Variants in PDXDC1 observed in about 807,000 individuals in gnomAD.
PDXDC1 encodes the protein pyridoxal-dependent decarboxylase domain-containing protein 1.
A neutral mutation model predicts 100.1 loss-of-function variants in PDXDC1; 42 were observed. The ratio of observed to expected loss-of-function variants is 0.42; its 90% CI spans 0.33 to 0.54. The LOEUF (loss-of-function observed/expected upper bound fraction) is 0.54. PDXDC1 is among the 20% of genes least tolerant of loss of function. The pLI, the probability that PDXDC1 is intolerant of heterozygous loss-of-function variation, is 0.10. For synonymous variants in PDXDC1, 260 were observed against 371.7 expected (o/e 0.70, Z 3.46); for missense variants, 636 against 979.2 (o/e 0.65, Z 4.68).
At chr16:15,094,452 A>C in intron 16 of PDXDC1, 1 of 587,282 alleles carries the variant, frequency 1.7e-6, no homozygotes, top group Non-Finnish European at 3.0e-6. Flanking sequence ...GCGTGAGTAT[A>C]AGGAGAGACG....
intron 16 of PDXDC1, chr16:15,125,158 A>G (rs1240598984): frequency 1.9e-6 from 1 of 536,782 alleles, no homozygotes; most frequent in African/African-American, 2.0e-5. Context: ...TCTCAAAAAA[A>G]AAAAAAAAAA....
At chr16:15,052,488 A>T (rs1240447148) in intron 16 of PDXDC1, among the ~76,000 whole-genome samples, 1 of 152,120 alleles carries the variant, frequency 6.6e-6, no homozygotes, top group Non-Finnish European at 1.5e-5. Context: ...TTCCTTTATA[A>T]ACAGGAGAGG....
intron 16 of PDXDC1, among the ~76,000 whole-genome samples, chr16:15,120,956 C>G (rs1248692055): frequency 1.0e-4 from 4 of 38,408 alleles, no homozygotes; most frequent in African/African-American, 1.7e-4. Context: ...GAGCGAGACT[C>G]TGTCTCAAAA....
chr16:14,986,098 CAAAA>C lies in PDXDC1; in HGVS notation c.21+10888_21+10891del, dbSNP rs1162285045. On this transcript the variant is annotated intron_variant, in intron 1 of 22. Transcript: ENST00000396410. ...TGGACAATAGAGCGAGGTCATGTCTCAAAAAAAAAAAAAGTTTGTAAAAAATGCT... is the reference window on the plus strand; with the variant it reads ...TGGACAATAGAGCGAGGTCATGTCTCAAAAAAAAAGTTTGTAAAAAATGCT... Among the ~76,000 whole-genome samples the C allele has an allele frequency of 2.2e-4, 32 of 145,102 alleles. No individual in the cohort carries two copies. The Middle Eastern group carries it at 0.011, about 48-fold the overall frequency.
chr16:15,071,028 CA>C (rs890065328), intron 16 of PDXDC1: 288 of 1,128,990 alleles, frequency 2.6e-4, no homozygotes, highest in Non-Finnish European at 2.8e-4. Flanking sequence ...AAAAACATGC[CA>C]AAAAAAATGG....
chr16:15,058,958 C>T (rs1042166992), intron 16 of PDXDC1, among the ~76,000 whole-genome samples: 7 of 152,144 alleles, frequency 4.6e-5, no homozygotes, highest in Non-Finnish European at 8.8e-5. Flanking sequence ...CATTATAAAT[C>T]CTACTCAACC....
intron 1 of PDXDC1, among the ~76,000 whole-genome samples, chr16:14,977,510 C>T (rs148894033): frequency 2.3e-3 from 357 of 152,264 alleles, no homozygotes; most frequent in African/African-American, 8.4e-3. Flanking sequence ...AAACGCCTGA[C>T]CTTGTGATCC....
chr16:15,135,235 G>C (rs1405669139), intron 16 of PDXDC1: 1 of 793,396 alleles, frequency 1.3e-6, no homozygotes, highest in African/African-American at 1.6e-5. Context: ...GAGCAGGGAG[G>C]TTGGGCTGTC....
At chr16:15,047,383 G>A (rs1309133245) in intron 16 of PDXDC1, 24 of 1,109,262 alleles carry the variant, frequency 2.2e-5, no homozygotes, top group Admixed American at 6.8e-5. Flanking sequence ...CCACAGCCAC[G>A]TCCTGTATGC....
chr16:15,038,545 T>G (rs1199454455), downstream of PDXDC1: 1 of 1,251,634 alleles, frequency 8.0e-7, no homozygotes, highest in African/African-American at 1.5e-5. Context: ...TGCAGAGATT[T>G]AAGACTTACC....
At chr16:15,074,031 G>A (rs1249018877) in intron 16 of PDXDC1, among the ~76,000 whole-genome samples, 6 of 152,168 alleles carry the variant, frequency 3.9e-5, no homozygotes, top group African/African-American at 9.7e-5. Context: ...ATATACAGAC[G>A]CTAACAGAAA....
chr16:15,033,330 C>T lies in PDXDC1; in HGVS notation c.1743C>T (p.Asp581=). The change falls in exon 19 of 23, where the codon GAC becomes GAT. Residue 581 remains aspartate, a synonymous_variant. Transcript: ENST00000396410. ...GCCTTTATGTCGGCATGGCGAGCGACAACGTCGATGCTGCTGAGCTCGTGG... is the reference window on the plus strand; with the variant it reads ...GCCTTTATGTCGGCATGGCGAGCGATAACGTCGATGCTGCTGAGCTCGTGG... ...KSCLYVGMAS[D]NVDAAELVET... 1 of 1,614,184 alleles carries T rather than the reference C, an allele frequency of 6.2e-7. No individual in the cohort carries two copies. The highest frequency in any genetic ancestry group is 8.5e-7 in the Non-Finnish European group (1 of 1,180,016).
intron 16 of PDXDC1, among the ~76,000 whole-genome samples, chr16:15,081,858 C>A (rs2045718277): frequency 6.6e-6 from 1 of 152,182 alleles, no homozygotes; most frequent in Non-Finnish European, 1.5e-5. Context: ...CCATATGCTT[C>A]ATTCTTTTGC....
At chr16:15,030,312 A>C (rs2042961715) in intron 16 of PDXDC1, among the ~76,000 whole-genome samples, 1 of 152,228 alleles carries the variant, frequency 6.6e-6, no homozygotes, top group South Asian at 2.1e-4. Context: ...TGGGAGGCCA[A>C]GGCAGGCAGA....
chr16:15,086,400 T>A, intron 16 of PDXDC1: 7 of 1,613,808 alleles, frequency 4.3e-6, no homozygotes, highest in Non-Finnish European at 5.1e-6. Flanking sequence ...AAGTCTTTTG[T>A]CAAGTACATG....
intron 16 of PDXDC1, chr16:15,125,594 C>T (rs913153253): frequency 1.5e-4 from 213 of 1,397,932 alleles, no homozygotes; most frequent in Non-Finnish European, 5.1e-5. Flanking sequence ...ACCTGTCCAG[C>T]AAAGGCCTGC....
chr16:15,096,704 A>G (rs1295603305), intron 16 of PDXDC1, among the ~76,000 whole-genome samples: 1 of 152,264 alleles, frequency 6.6e-6, no homozygotes, highest in Non-Finnish European at 1.5e-5. Flanking sequence ...TTGGTTTGAG[A>G]CAGGATCTCA....
chr16:15,095,028 G>A (rs1215270140), intron 16 of PDXDC1, among the ~76,000 whole-genome samples: 2 of 151,930 alleles, frequency 1.3e-5, no homozygotes, highest in Non-Finnish European at 2.9e-5. Flanking sequence ...AGTGGAGACG[G>A]GGTTGCACTG....
chr16:15,104,659 G>A (rs1567253253), intron 16 of PDXDC1: 4 of 1,597,828 alleles, frequency 2.5e-6, no homozygotes, highest in Non-Finnish European at 3.4e-6. Flanking sequence ...GTTGGAGGAG[G>A]TGGCTGGTGG....
Sources: allele counts gnomAD v4.1 joint callset (sites outside exome capture counted in the v4.1 genomes callset), GRCh38; gene constraint gnomAD v4.1.1; transcripts MANE v1.5; gene names NCBI Gene and HGNC (gene_info 2026-07-23, HGNC 2026-07-21).